GPHN: variants seen among roughly 807,000 people sequenced by gnomAD.
GPHN encodes gephyrin.
GPHN carries 17 observed loss-of-function variants against 95.5 expected under a neutral mutation model. That is an observed-to-expected ratio of 0.18 (90% CI 0.12 to 0.27). The LOEUF is 0.27. Ranked by LOEUF, GPHN falls within the 10% of genes least tolerant of loss-of-function variation. The pLI, the probability that GPHN is intolerant of heterozygous loss-of-function variation, is 1.00. For missense variants in GPHN, 660 were observed against 978.1 expected, an observed-to-expected ratio of 0.67 and a Z score of 4.34; for synonymous variants, 320 against 322.5, an observed-to-expected ratio of 0.99 and a Z score of 0.08.
intron 11 of GPHN, among the ~76,000 whole-genome samples, chr14:67,067,434 G>A (rs531300122): frequency 6.6e-6 from 1 of 152,312 alleles, no homozygotes; most frequent in Admixed American, 6.5e-5. Flanking sequence ...GATGCAGTCT[G>A]TCCATTCTCA....
the GPHN span, among the ~76,000 whole-genome samples, chr14:67,448,120 C>CTTTTTTTTT: frequency 9.7e-4 from 35 of 36,078 alleles, 10 homozygotes; most frequent in African/African-American, 3.1e-3. Context: ...ATAGCCCATT[C>CTTTTTTTTT]TTTTTTTTTT....
intron 1 of GPHN, among the ~76,000 whole-genome samples, chr14:66,618,059 T>C (rs28472291): frequency 0.31 from 47,155 of 152,012 alleles, 11,157 homozygotes; most frequent in African/African-American, 0.63. Context: ...CTTCAGTATA[T>C]ATAACTGGTG....
the GPHN span, among the ~76,000 whole-genome samples, chr14:67,684,222 C>T: frequency 1.3e-5 from 2 of 152,220 alleles, no homozygotes; most frequent in South Asian, 2.1e-4. Flanking sequence ...GTCTGCCTTT[C>T]TTTCCAATCT....
At chr14:67,095,729 T>A (rs989292354) in intron 12 of GPHN, among the ~76,000 whole-genome samples, 1 of 151,434 alleles carries the variant, frequency 6.6e-6, no homozygotes, top group Non-Finnish European at 1.5e-5. Flanking sequence ...AATTGAACAG[T>A]GAGAACCCAT....
intron 4 of GPHN, chr14:66,842,591 G>C (rs1013078488): frequency 1.1e-5 from 10 of 884,010 alleles, no homozygotes; most frequent in Middle Eastern, 2.1e-4. Context: ...TTATTTCCCT[G>C]AACCAGTTTG....
the GPHN span, chr14:67,203,062 A>T: frequency 1.9e-6 from 3 of 1,598,486 alleles, no homozygotes; most frequent in Non-Finnish European, 2.6e-6. Context: ...ACATTTCATC[A>T]TATAACGCCT....
chr14:67,598,700 A>C, the GPHN span, among the ~76,000 whole-genome samples: 1 of 140,656 alleles, frequency 7.1e-6, no homozygotes, highest in Non-Finnish European at 1.5e-5. Context: ...ATTTTAACTG[A>C]CTTATGAACA....
the GPHN span, among the ~76,000 whole-genome samples, chr14:67,288,755 A>G: frequency 1.3e-5 from 2 of 151,916 alleles, no homozygotes; most frequent in African/African-American, 2.4e-5. Flanking sequence ...TATTCTTCCT[A>G]TCTATTCTTA....
chr14:67,576,617 A>G, the GPHN span: 1 of 584,226 alleles, frequency 1.7e-6, no homozygotes, highest in Non-Finnish European at 3.1e-6. The surrounding 1 kb of genome is among the most constrained non-coding windows in gnomAD (Gnocchi z 4.0). Flanking sequence ...AAAACATCTA[A>G]GCCACAGAGG....
intron 3 of GPHN, among the ~76,000 whole-genome samples, chr14:66,812,264 C>T (rs1056683193): frequency 6.6e-6 from 1 of 152,212 alleles, no homozygotes; most frequent in Non-Finnish European, 1.5e-5. Flanking sequence ...TTGCCATCCT[C>T]TGCATAGCAG....
chr14:67,243,467 C>G, the GPHN span, among the ~76,000 whole-genome samples: 1 of 147,262 alleles, frequency 6.8e-6, no homozygotes, highest in Non-Finnish European at 1.5e-5. Flanking sequence ...GGATTACAGG[C>G]GTGAGCCACC....
At chr14:67,118,093 A>G (rs565063686) in intron 16 of GPHN, among the ~76,000 whole-genome samples, 1 of 152,314 alleles carries the variant, frequency 6.6e-6, no homozygotes, top group South Asian at 2.1e-4. Flanking sequence ...TTTTTCCTCT[A>G]CCCTTGTGAG....
intron 2 of GPHN, chr14:66,760,855 A>G: frequency 1.6e-6 from 1 of 639,690 alleles, no homozygotes; most frequent in Non-Finnish European, 2.8e-6. Context: ...GAAATTTATA[A>G]TGAACAGATT....
chr14:67,377,737 C>T, the GPHN span, among the ~76,000 whole-genome samples: 1 of 152,102 alleles, frequency 6.6e-6, no homozygotes, highest in Non-Finnish European at 1.5e-5. Context: ...CTAGTTTCTT[C>T]CATTTATACT....
intron 1 of GPHN, among the ~76,000 whole-genome samples, chr14:66,643,783 A>C (rs2064576554): frequency 6.6e-6 from 1 of 151,056 alleles, no homozygotes; most frequent in Non-Finnish European, 1.5e-5. Context: ...AGATTTAGAC[A>C]CTGCTTTCAA....
At chr14:66,649,960 TAGTC>T (rs1160957780) in intron 1 of GPHN, among the ~76,000 whole-genome samples, 4 of 152,132 alleles carry the variant, frequency 2.6e-5, no homozygotes, top group Non-Finnish European at 5.9e-5. Flanking sequence ...ACACTTTTCT[TAGTC>T]AGAGTTTTGG....
Position 67,140,961 on chromosome 14 carries a change from T to G in GPHN, c.1749-2401T>G, listed in dbSNP as rs756761344. 3.1e-4 allele frequency among the ~76,000 whole-genome samples: 45 copies of G among 147,522 alleles called. No individual in the cohort carries two copies. In the Middle Eastern group the frequency reaches 0.014, roughly 45 times the overall value. On this transcript the variant is annotated intron_variant, in intron 17 of 22. Transcript: ENST00000478722. ...GAGATGTTTGCCCAACTAGTTTAACTTTGAAATTTATGTCAGGGTTTTTTT... is the reference window on the plus strand; with the variant it reads ...GAGATGTTTGCCCAACTAGTTTAACGTTGAAATTTATGTCAGGGTTTTTTT...
chr14:66,567,476 T>C (rs1224384595), intron 1 of GPHN, among the ~76,000 whole-genome samples: 1 of 152,182 alleles, frequency 6.6e-6, no homozygotes, highest in Non-Finnish European at 1.5e-5. Flanking sequence ...TAGGGATTTG[T>C]TTGGATCTGG....
At chr14:67,229,355 C>A in the GPHN span, among the ~76,000 whole-genome samples, 1 of 152,086 alleles carries the variant, frequency 6.6e-6, no homozygotes, top group Non-Finnish European at 1.5e-5. Context: ...TCCATCTTTC[C>A]CTTCCTGGCC....
Sources: gnomAD v4.1 joint callset for allele counts (sites outside exome capture counted in the v4.1 genomes callset) on GRCh38, gnomAD v4.1.1 for gene constraint, Gnocchi (gnomAD v3.1) non-coding constraint, MANE v1.5 for transcripts, NCBI Gene and HGNC (gene_info 2026-07-23, HGNC 2026-07-21) for gene names.